Variants in BRWD1 observed in about 807,000 individuals in gnomAD.
BRWD1 encodes bromodomain and WD repeat domain containing 1.
A neutral mutation model predicts 251.2 loss-of-function variants in BRWD1; 82 were observed. The observed-to-expected ratio is 0.33, with a 90% CI of 0.27 to 0.39. The LOEUF (loss-of-function observed/expected upper bound fraction) is 0.39. Ranked by LOEUF, BRWD1 falls within the 10% of genes least tolerant of loss-of-function variation. The pLI is 1.00. For synonymous variants in BRWD1, 918 were observed against 902.8 expected, an observed-to-expected ratio of 1.02 and a Z score of -0.30; for missense variants, 2,233 against 2,711.6, an observed-to-expected ratio of 0.82 and a Z score of 3.92.
At chr21:39,282,414 C>T (rs1969759068) in intron 8 of BRWD1, among the ~76,000 whole-genome samples, 1 of 151,734 alleles carries the variant, frequency 6.6e-6, no homozygotes, top group African/African-American at 2.4e-5. Context: ...AGAATGTGGC[C>T]TAACATTGAG....
intron 37 of BRWD1, among the ~76,000 whole-genome samples, chr21:39,203,153 A>G (rs2032193600): frequency 6.6e-6 from 1 of 152,182 alleles, no homozygotes; most frequent in Admixed American, 6.5e-5. Context: ...AGATAATCCT[A>G]TTTTCCTTTA....
chr21:39,297,061 T>A (rs1387567329), intron 5 of BRWD1: 5 of 985,282 alleles, frequency 5.1e-6, no homozygotes, highest in African/African-American at 3.5e-5. Flanking sequence ...ACGTAGGATC[T>A]GTGACTCTGA....
At chr21:39,254,921 C>T (rs1272188418) in intron 19 of BRWD1, among the ~76,000 whole-genome samples, 2 of 151,988 alleles carry the variant, frequency 1.3e-5, no homozygotes, top group African/African-American at 4.8e-5. Context: ...TTAAACACAG[C>T]CTGGATATTT....
At chr21:39,290,692 C>T (rs1438693356) in intron 8 of BRWD1, among the ~76,000 whole-genome samples, 1 of 152,182 alleles carries the variant, frequency 6.6e-6, no homozygotes, top group East Asian at 1.9e-4. Flanking sequence ...ATATTGTCAA[C>T]ACATTCATAT....
intron 19 of BRWD1, among the ~76,000 whole-genome samples, chr21:39,251,761 C>G (rs542835177): frequency 2.0e-5 from 3 of 152,266 alleles, no homozygotes; most frequent in Admixed American, 6.5e-5. Context: ...AACCATATAA[C>G]GAGATTTTCA....
Position 39,195,332 on chromosome 21 carries a change from A to C in BRWD1, c.*927T>G. The C allele has an allele frequency of 2.0e-6, 2 of 999,572 alleles. No individual in the cohort carries two copies. The highest frequency in any genetic ancestry group is 2.4e-6 in the Non-Finnish European group (2 of 839,050). 61.9% of individuals were successfully genotyped at this position (999,572 alleles called of 1,614,324 possible). On this transcript the variant is annotated 3_prime_UTR_variant, in exon 41 of 41. Coordinates refer to ENST00000342449, the MANE Select transcript of BRWD1 (RefSeq NM_033656.4). ...GGGGGAAACCTACATATTAACTTAA[A>C]TACTCTTTTAGCCCTGTACACTCTA...
chr21:39,308,991 T>C (rs2036378478), intron 4 of BRWD1, among the ~76,000 whole-genome samples: 1 of 151,732 alleles, frequency 6.6e-6, no homozygotes, highest in Non-Finnish European at 1.5e-5. Flanking sequence ...CTGGCCCACA[T>C]GGTGAACAGC....
At chr21:39,298,184 T>A in intron 5 of BRWD1, 1 of 1,135,286 alleles carries the variant, frequency 8.8e-7, no homozygotes, top group Non-Finnish European at 1.1e-6. Flanking sequence ...TCAAACAACA[T>A]CTCAGAATAA....
intron 39 of BRWD1, 31 bp downstream of exon 39, chr21:39,200,188 C>T (rs747195802): frequency 6.4e-7 from 1 of 1,565,874 alleles, no homozygotes; most frequent in Non-Finnish European, 8.6e-7. Context: ...TTTTGATATA[C>T]ATTCCATAAA....
At chr21:39,296,714 G>A (rs902513882) in intron 5 of BRWD1, 1 of 855,482 alleles carries the variant, frequency 1.2e-6, no homozygotes, top group African/African-American at 2.3e-5. Context: ...GACCTTTAAA[G>A]AGATCCACAG....
intron 4 of BRWD1, among the ~76,000 whole-genome samples, chr21:39,300,375 A>G (rs1475531298): frequency 1.3e-5 from 2 of 152,232 alleles, no homozygotes; most frequent in African/African-American, 4.8e-5. Context: ...AAAAGTTGGC[A>G]GTCAGGTACA....
At chr21:39,310,527 T>C (rs2036445408) in intron 4 of BRWD1, among the ~76,000 whole-genome samples, 2 of 151,990 alleles carry the variant, frequency 1.3e-5, no homozygotes, top group African/African-American at 2.4e-5. Flanking sequence ...CTGAGGAGGC[T>C]GAGGCAGGAG....
chr21:39,210,190 G>C, intron 35 of BRWD1, 43 bp from the exon 36 acceptor site: 1 of 1,491,994 alleles, frequency 6.7e-7, no homozygotes, highest in South Asian at 1.3e-5. Flanking sequence ...TTCATTTCTT[G>C]CTTTTAGAAA....
At chr21:39,251,900 T>C (rs2034406279) in intron 19 of BRWD1, among the ~76,000 whole-genome samples, 2 of 152,184 alleles carry the variant, frequency 1.3e-5, no homozygotes, top group Admixed American at 1.3e-4. Context: ...TTCAGCTGCA[T>C]GCAATTTTAC....
chr21:39,298,454 C>T lies in BRWD1; in HGVS notation c.327G>A (p.Gln109=), dbSNP rs1383015401. 5 of 1,600,924 alleles carry T rather than the reference C, an allele frequency of 3.1e-6. No homozygotes were observed. In the East Asian group the frequency reaches 6.8e-5, roughly 22 times the overall value. Residue 109 remains glutamine, a synonymous_variant, in exon 5 of 41, where the codon CAG becomes CAA. Coordinates refer to ENST00000342449, the MANE Select transcript of BRWD1 (RefSeq NM_033656.4). ...RVTSLLGAGR[Q]SLLRTAKDCR... ...TACCTTTTGCTGTACGTAGCAAAGA[C>T]TGCCTTCCTGCACCAAGTAAAGAAG...
intron 15 of BRWD1, among the ~76,000 whole-genome samples, chr21:39,265,896 T>A (rs1442042297): frequency 6.6e-6 from 1 of 152,262 alleles, no homozygotes; most frequent in Non-Finnish European, 1.5e-5. Flanking sequence ...ATCATGAGTG[T>A]AACCTTAAAT....
At chr21:39,252,125 G>T (rs1013117158) in intron 19 of BRWD1, among the ~76,000 whole-genome samples, 8 of 151,566 alleles carry the variant, frequency 5.3e-5, no homozygotes. Context: ...AAAATTAGCT[G>T]GGCTTGCCAG....
At chr21:39,271,279 A>G (rs2035091977) in intron 13 of BRWD1, among the ~76,000 whole-genome samples, 1 of 152,168 alleles carries the variant, frequency 6.6e-6, no homozygotes, top group Non-Finnish European at 1.5e-5. Flanking sequence ...GTGACAGAGC[A>G]AGACTACGTT....
At chr21:39,294,730 T>C (rs1031933532) in intron 7 of BRWD1, among the ~76,000 whole-genome samples, 3 of 151,802 alleles carry the variant, frequency 2.0e-5, no homozygotes, top group Non-Finnish European at 4.4e-5. Context: ...AACAGATCTA[T>C]ACTTCATAGT....
Sources: allele counts gnomAD v4.1 joint callset (sites outside exome capture counted in the v4.1 genomes callset), GRCh38; gene constraint gnomAD v4.1.1; transcripts MANE v1.5; gene names NCBI Gene and HGNC (gene_info 2026-07-23, HGNC 2026-07-21).